The following FAM120B variants were observed in gnomAD, a reference collection of about 807,000 sequenced individuals.
FAM120B encodes constitutive coactivator of peroxisome proliferator-activated receptor gamma.
A neutral mutation model predicts 96.3 loss-of-function variants in FAM120B; 83 were observed. That is an observed-to-expected ratio of 0.86 (90% CI 0.72 to 1.03). The LOEUF is 1.03. Among genes scored for constraint, FAM120B ranks in the 50% least tolerant of loss-of-function variants. FAM120B has a pLI of 0.00. For synonymous variants in FAM120B, 407 were observed against 402.7 expected, an observed-to-expected ratio of 1.01 and a Z score of -0.13; for missense variants, 1,027 against 1,121.2, an observed-to-expected ratio of 0.92 and a Z score of 1.20.
chr6:170,366,140 T>C (rs1788779936), intron 6 of FAM120B, among the ~76,000 whole-genome samples: 1 of 152,178 alleles, frequency 6.6e-6, no homozygotes, highest in African/African-American at 2.4e-5. Context: ...TCTCAAGATA[T>C]AATACAAGTT....
At chr6:170,337,391 G>A (rs1021944890) in intron 4 of FAM120B, among the ~76,000 whole-genome samples, 7 of 152,280 alleles carry the variant, frequency 4.6e-5, no homozygotes, top group Non-Finnish European at 5.9e-5. Flanking sequence ...CGACCTGATC[G>A]TGGTGGATAA....
At chr6:170,394,042 C>A (rs73038692) in intron 8 of FAM120B, among the ~76,000 whole-genome samples, 1 of 152,096 alleles carries the variant, frequency 6.6e-6, no homozygotes, top group African/African-American at 2.4e-5. Context: ...CTGGAGACCA[C>A]GTGTGTAAGA....
intron 1 of FAM120B, 57 bp from the exon 2 acceptor site, chr6:170,317,313 G>T: frequency 7.5e-7 from 1 of 1,340,596 alleles, no homozygotes; most frequent in Non-Finnish European, 1.0e-6. Context: ...GCTTTGAAAG[G>T]TGCCATATAT....
At position 170,394,479 on chromosome 6, in the gene FAM120B, G is replaced by A. The variant is rs1430551931; in HGVS notation, c.2600-1008G>A. 6.7e-5 allele frequency among the ~76,000 whole-genome samples: 10 copies of A among 150,102 alleles called. No individual in the cohort carries two copies. In the East Asian group the frequency reaches 1.0e-3, roughly 16 times the overall value. On this transcript the variant is annotated intron_variant, in intron 8 of 10. Coordinates refer to ENST00000476287, the MANE Select transcript of FAM120B (RefSeq NM_032448.3). ...CATGCCAGCACAAGGCCACGCCTCC[G>A]TGGACACCGCAGCATGCCAGCACAA... is the stretch of plus-strand genomic sequence containing the variant.
intron 9 of FAM120B, chr6:170,404,304 G>A: frequency 2.0e-6 from 1 of 489,140 alleles, no homozygotes; most frequent in Non-Finnish European, 3.6e-6. Context: ...GATGGAGCTG[G>A]TGTGAAGAGG....
At chr6:170,362,157 A>G (rs1267326931) in intron 6 of FAM120B, among the ~76,000 whole-genome samples, 2 of 152,254 alleles carry the variant, frequency 1.3e-5, no homozygotes, top group East Asian at 1.9e-4. Context: ...ATTATGGACC[A>G]GTAAATTGTG....
At chr6:170,369,383 C>CA in intron 6 of FAM120B, among the ~76,000 whole-genome samples, 1 of 152,206 alleles carries the variant, frequency 6.6e-6, no homozygotes, top group Non-Finnish European at 1.5e-5. Flanking sequence ...AGCAGGGCCC[C>CA]ACTTTCACTG....
At chr6:170,310,797 C>T (rs1249826631) in intron 1 of FAM120B, among the ~76,000 whole-genome samples, 1 of 152,222 alleles carries the variant, frequency 6.6e-6, no homozygotes, top group Non-Finnish European at 1.5e-5. Context: ...AACCAAAGCT[C>T]TCTGCTTCTC....
At chr6:170,348,347 G>C in intron 5 of FAM120B, 24 bp downstream of exon 5, 1 of 1,609,066 alleles carries the variant, frequency 6.2e-7, no homozygotes, top group Non-Finnish European at 8.5e-7. Context: ...GCCCGTTCTA[G>C]TCACTGCAGC....
chr6:170,294,689 C>CGT (rs532327420), upstream of FAM120B, among the ~76,000 whole-genome samples: 31 of 152,218 alleles, frequency 2.0e-4, no homozygotes, highest in South Asian at 6.4e-3. This position sits in a 1 kb window ranked among gnomAD's most constrained non-coding sequence, Gnocchi z 7.9. Flanking sequence ...TCTCCAGGTT[C>CGT]GTGTGTGGTG....
At chr6:170,385,629 C>T (rs1790142423) in intron 6 of FAM120B, among the ~76,000 whole-genome samples, 1 of 152,160 alleles carries the variant, frequency 6.6e-6, no homozygotes, top group South Asian at 2.1e-4. Context: ...GGTCTTAACA[C>T]ACAGTCCAGT....
chr6:170,296,287 C>G (rs1784005251), intron 1 of FAM120B, among the ~76,000 whole-genome samples: 1 of 152,136 alleles, frequency 6.6e-6, no homozygotes, highest in South Asian at 2.1e-4. Flanking sequence ...CGATGATTGC[C>G]GGACGCTGAG....
In FAM120B at chr6:170,361,198, GTATATATATATATATA is replaced by G. The variant is rs71010657; in HGVS notation, c.2283+2903_2283+2918del. On this transcript the variant is annotated intron_variant, in intron 6 of 10. Transcript: ENST00000476287. Reference sequence around the variant, plus strand: ...GCCTTAAAACTATATATATATACGTGTATATATATATATATATATATATATATATATATATATACAC... The same window carrying G: ...GCCTTAAAACTATATATATATACGTGTATATATATATATATATATATACAC... Among the ~76,000 whole-genome samples the G allele has an allele frequency of 4.8e-4, 32 of 66,026 alleles. 1 individual carries two copies. The highest frequency in any genetic ancestry group is 6.7e-4 in the East Asian group (2 of 2,994). The allele number at this position is 66,026 out of a possible 152,430, so 43.3% of individuals were successfully genotyped here.
chr6:170,391,984 TC>T (rs1296805676), intron 8 of FAM120B, among the ~76,000 whole-genome samples: 1 of 152,180 alleles, frequency 6.6e-6, no homozygotes, highest in African/African-American at 2.4e-5. Flanking sequence ...CATAGCTTGT[TC>T]CCCTGTTTGG....
At chr6:170,404,718 T>C in intron 10 of FAM120B, 45 bp from the exon 11 acceptor site, 1 of 779,866 alleles carries the variant, frequency 1.3e-6, no homozygotes, top group Non-Finnish European at 2.1e-6. Flanking sequence ...CCTGCTGACC[T>C]GGTGCCGAGT....
At chr6:170,328,688 GT>G (rs1228229903) in intron 3 of FAM120B, among the ~76,000 whole-genome samples, 1 of 151,952 alleles carries the variant, frequency 6.6e-6, no homozygotes, top group Admixed American at 6.6e-5. Flanking sequence ...AGAAATGAGC[GT>G]TTTTTTAAAT....
At chr6:170,381,327 C>T (rs1375506625) in intron 6 of FAM120B, among the ~76,000 whole-genome samples, 3 of 152,146 alleles carry the variant, frequency 2.0e-5, no homozygotes, top group Non-Finnish European at 4.4e-5. Context: ...GTGACCACAA[C>T]CCCCCAATAC....
chr6:170,398,159 G>T (rs572643729), intron 9 of FAM120B, among the ~76,000 whole-genome samples: 3 of 152,370 alleles, frequency 2.0e-5, no homozygotes, highest in East Asian at 1.9e-4. Flanking sequence ...CCACTGATGG[G>T]ACTCATCGCC....
intron 2 of FAM120B, among the ~76,000 whole-genome samples, chr6:170,321,174 A>C (rs1448334768): frequency 6.6e-6 from 1 of 152,208 alleles, no homozygotes; most frequent in Non-Finnish European, 1.5e-5. Flanking sequence ...GAAGTTTCTT[A>C]CATTGCCCTT....
Sources: gnomAD v4.1 joint callset for allele counts (sites outside exome capture counted in the v4.1 genomes callset) on GRCh38, gnomAD v4.1.1 for gene constraint, Gnocchi (gnomAD v3.1) non-coding constraint, MANE v1.5 for transcripts, NCBI Gene and HGNC (gene_info 2026-07-23, HGNC 2026-07-21) for gene names.